The following MGAT4C variants were observed in gnomAD, a reference collection of about 807,000 sequenced individuals.
The protein encoded by MGAT4C is alpha-1,3-mannosyl-glycoprotein 4-beta-N-acetylglucosaminyltransferase C.
MGAT4C carries 19 observed loss-of-function variants against 40.1 expected under a neutral mutation model. The ratio of observed to expected loss-of-function variants is 0.47; its 90% CI spans 0.33 to 0.70. MGAT4C has a LOEUF of 0.70. Ranked by LOEUF, MGAT4C falls within the 30% of genes least tolerant of loss-of-function variation. The pLI is 0.02. For missense variants in MGAT4C, 491 were observed against 563.2 expected (o/e 0.87, Z 1.30); for synonymous variants, 181 against 187.1 (o/e 0.97, Z 0.27).
At chr12:86,493,884 G>T (rs1958185241) in intron 2 of MGAT4C, among the ~76,000 whole-genome samples, 1 of 152,036 alleles carries the variant, frequency 6.6e-6, no homozygotes, top group East Asian at 1.9e-4. Context: ...TTAGGGTACA[G>T]ATGTTTGTGC....
intron 4 of MGAT4C, among the ~76,000 whole-genome samples, chr12:86,266,598 T>C (rs1203271351): frequency 6.6e-6 from 1 of 152,100 alleles, no homozygotes; most frequent in African/African-American, 2.4e-5. Flanking sequence ...TGGAGTTTTG[T>C]TGTTGTGATT....
intron 1 of MGAT4C, among the ~76,000 whole-genome samples, chr12:86,131,130 T>C (rs2135711496): frequency 1.3e-5 from 2 of 152,234 alleles, no homozygotes; most frequent in South Asian, 4.1e-4. Context: ...TTACTAGCCA[T>C]ACGGCTTTGG....
intron 2 of MGAT4C, among the ~76,000 whole-genome samples, chr12:86,589,424 CAA>C (rs947204710): frequency 1.3e-5 from 2 of 151,880 alleles, no homozygotes; most frequent in African/African-American, 4.8e-5. Flanking sequence ...CCTTACCAAC[CAA>C]AAAGAGTCCA....
At chr12:86,474,667 T>C (rs1957806452) in intron 2 of MGAT4C, among the ~76,000 whole-genome samples, 1 of 152,126 alleles carries the variant, frequency 6.6e-6, no homozygotes, top group Non-Finnish European at 1.5e-5. Flanking sequence ...ATTCATACTC[T>C]GGCTTTTCAG....
chr12:86,014,136 C>T (rs992707741), intron 2 of MGAT4C, among the ~76,000 whole-genome samples: 11 of 152,076 alleles, frequency 7.2e-5, no homozygotes, highest in Non-Finnish European at 1.6e-4. Context: ...CATGCCAAAC[C>T]CTCTTTTCCT....
intron 1 of MGAT4C, among the ~76,000 whole-genome samples, chr12:86,768,806 G>C (rs2136164869): frequency 6.6e-6 from 1 of 152,084 alleles, no homozygotes; most frequent in South Asian, 2.1e-4. Flanking sequence ...GGGAAAACTG[G>C]CTAGCCATAT....
intron 2 of MGAT4C, among the ~76,000 whole-genome samples, chr12:86,561,361 T>C (rs1959855247): frequency 6.6e-6 from 1 of 152,142 alleles, no homozygotes; most frequent in Non-Finnish European, 1.5e-5. Flanking sequence ...GAGATTAAAA[T>C]AGAGTCAGTG....
intron 1 of MGAT4C, among the ~76,000 whole-genome samples, chr12:86,199,789 T>G (rs1276233642): frequency 6.6e-6 from 1 of 152,138 alleles, no homozygotes; most frequent in Non-Finnish European, 1.5e-5. Flanking sequence ...GTATCACTAA[T>G]GCCATATCAA....
chr12:86,244,568 G>A (rs758708016), intron 1 of MGAT4C, among the ~76,000 whole-genome samples: 6 of 152,234 alleles, frequency 3.9e-5, no homozygotes, highest in East Asian at 1.9e-4. Flanking sequence ...TCTACTCTGC[G>A]CTAGCACTGC....
upstream of MGAT4C, among the ~76,000 whole-genome samples, chr12:86,257,425 G>C (rs1362098455): frequency 6.6e-6 from 1 of 152,210 alleles, no homozygotes; most frequent in Non-Finnish European, 1.5e-5. Flanking sequence ...ATCTAGCCCA[G>C]CCATATCCCA....
chr12:86,344,754 G>A (rs980036148), intron 3 of MGAT4C, among the ~76,000 whole-genome samples: 7 of 117,770 alleles, frequency 5.9e-5, no homozygotes, highest in East Asian at 2.0e-4. Flanking sequence ...GTGTGTGTGT[G>A]TATGTGTGTG....
chr12:86,295,005 C>T (rs1953625797), intron 4 of MGAT4C, among the ~76,000 whole-genome samples: 1 of 152,176 alleles, frequency 6.6e-6, no homozygotes. Context: ...CTCAGTTCAT[C>T]TTTCTGACTT....
intron 2 of MGAT4C, among the ~76,000 whole-genome samples, chr12:86,716,158 G>T (rs1950642216): frequency 6.6e-6 from 1 of 151,988 alleles, no homozygotes; most frequent in African/African-American, 2.4e-5. Context: ...AATTGCCAAA[G>T]GTGTTTATAA....
chr12:86,608,643 T>A (rs1170137347), intron 2 of MGAT4C, among the ~76,000 whole-genome samples: 1 of 151,990 alleles, frequency 6.6e-6, no homozygotes, highest in East Asian at 1.9e-4. Context: ...TGACTGAATT[T>A]CATGTGGAAA....
chr12:86,049,122 CAT>C (rs1016637898), intron 2 of MGAT4C, among the ~76,000 whole-genome samples: 2 of 151,932 alleles, frequency 1.3e-5, no homozygotes, highest in African/African-American at 4.8e-5. Context: ...GAGTAAATCT[CAT>C]ATAATTAACT....
chr12:86,795,030 C>T (rs544149442), intron 1 of MGAT4C, among the ~76,000 whole-genome samples: 76 of 151,896 alleles, frequency 5.0e-4, no homozygotes, highest in African/African-American at 1.7e-3. Context: ...ATGATATAAG[C>T]ATAATGTTCA....
chr12:86,071,893 A>C (rs1868555401), intron 1 of MGAT4C, among the ~76,000 whole-genome samples: 1 of 152,102 alleles, frequency 6.6e-6, no homozygotes, highest in Non-Finnish European at 1.5e-5. Flanking sequence ...ATTATTGAAC[A>C]CCTTCAATGT....
chr12:86,344,756 A>ATG (rs375136362), intron 3 of MGAT4C, among the ~76,000 whole-genome samples: 535 of 96,420 alleles, frequency 5.5e-3, no homozygotes, highest in African/African-American at 0.019. Flanking sequence ...GTGTGTGTGT[A>ATG]TGTGTGTGTG....
At chr12:86,261,886 C>T (rs1431633492) in intron 4 of MGAT4C, among the ~76,000 whole-genome samples, 1 of 152,050 alleles carries the variant, frequency 6.6e-6, no homozygotes, top group East Asian at 1.9e-4. Flanking sequence ...TAAAATCCTT[C>T]AGAAGTTCTT....
Sources: allele counts gnomAD v4.1 joint callset (sites outside exome capture counted in the v4.1 genomes callset), GRCh38; gene constraint gnomAD v4.1.1; transcripts MANE v1.5; gene names NCBI Gene and HGNC (gene_info 2026-07-23, HGNC 2026-07-21).